The following INTS6 variants were observed in gnomAD, a reference collection of about 807,000 sequenced individuals.
INTS6 encodes the protein integrator complex subunit 6.
A neutral mutation model predicts 104.9 loss-of-function variants in INTS6; 16 were observed. The ratio of observed to expected loss-of-function variants is 0.15; its 90% CI spans 0.10 to 0.23. The LOEUF is 0.23. Ranked by LOEUF, INTS6 falls within the 10% of genes least tolerant of loss-of-function variation. The pLI, the probability that INTS6 is intolerant of heterozygous loss-of-function variation, is 1.00. For missense variants in INTS6, 584 were observed against 1,062.8 expected, an observed-to-expected ratio of 0.55 and a Z score of 6.26; for synonymous variants, 324 against 358.7, an observed-to-expected ratio of 0.90 and a Z score of 1.09.
chr13:51,409,007 T>C (rs1292308746), intron 4 of INTS6, among the ~76,000 whole-genome samples: 3 of 152,138 alleles, frequency 2.0e-5, no homozygotes, highest in Non-Finnish European at 4.4e-5. Flanking sequence ...CATAGCTCCA[T>C]AGCATTTGAG....
intron 4 of INTS6, chr13:51,421,124 T>C (rs1330835648): frequency 3.0e-6 from 3 of 985,806 alleles, no homozygotes; most frequent in Non-Finnish European, 3.6e-6. Flanking sequence ...TTAAGGCTTT[T>C]TCTGAGGCCT....
chr13:51,452,395 C>T lies in INTS6; in HGVS notation c.111+20G>A, dbSNP rs1409266462. On this transcript the variant is annotated intron_variant, in intron 1 of 17. Coordinates refer to ENST00000311234, the MANE Select transcript of INTS6 (RefSeq NM_012141.3). This position sits in a 1 kb window ranked among gnomAD's most constrained non-coding sequence, Gnocchi z 4.2. ...GGGCCGCCGGGCCGGGGTCGCCGCC[C>T]GGGCTCGGTCAGTCGGTACCTTCAT... 19 of 1,545,976 alleles carry T rather than the reference C, an allele frequency of 1.2e-5. No individual in the cohort carries two copies. The highest frequency in any genetic ancestry group is 2.7e-5 in the East Asian group (1 of 37,474).
chr13:51,337,498 C>T, the INTS6 span, among the ~76,000 whole-genome samples: 54 of 152,276 alleles, frequency 3.5e-4, 1 homozygote, highest in Middle Eastern at 6.8e-3. Context: ...CATCGAAAGG[C>T]TTAGAATCCT....
chr13:51,354,918 A>C, intron 3 of INTS6: 1 of 626,800 alleles, frequency 1.6e-6, no homozygotes, highest in African/African-American at 1.8e-5. Flanking sequence ...TGGAAGATGA[A>C]GCTGGAAATA....
chr13:51,360,261 C>T (rs1341439842), downstream of INTS6, among the ~76,000 whole-genome samples: 4 of 152,134 alleles, frequency 2.6e-5, no homozygotes, highest in South Asian at 6.2e-4. Context: ...ACAGATACCT[C>T]CCAGTGGCAT....
Position 51,369,131 on chromosome 13 carries a change from T to C in INTS6, c.2284A>G (p.Thr762Ala). 5.6e-6 allele frequency: 9 copies of C among 1,613,886 alleles called. No individual in the cohort carries two copies. The highest frequency in any genetic ancestry group is 7.6e-6 in the Non-Finnish European group (9 of 1,179,840). ...MEALGHDHLG[T>A]NDLTVGGFLE... ...AATCCACCAACAGTGAGGTCATTGG[T>C]TCCTAAATGGTCATGACCAAGAGCC... The change falls in exon 16 of 18, where the codon ACC (threonine) becomes GCC (alanine). Residue 762 changes from threonine to alanine, a missense_variant. Thr to Ala is a moderately conservative substitution (Grantham distance 58). Around this residue, in one of 5 missense-constraint regions of INTS6, gnomAD observed 296 missense variants for 437.0 expected, o/e 0.68. Coordinates refer to ENST00000311234, the MANE Select transcript of INTS6 (RefSeq NM_012141.3).
chr13:51,373,193 T>A (rs1453562923), intron 15 of INTS6, among the ~76,000 whole-genome samples: 2 of 151,026 alleles, frequency 1.3e-5, no homozygotes, highest in Non-Finnish European at 2.9e-5. Context: ...TGTTCAATTT[T>A]GGTGTTTGGT....
At position 51,365,503 on chromosome 13, in the gene INTS6, T is replaced by G; in HGVS notation, c.*249A>C. 1 of 218,526 alleles carries G rather than the reference T, an allele frequency of 4.6e-6. No homozygotes were observed. Among genetic ancestry groups the G allele is most frequent in the Non-Finnish European group, 9.2e-6 (1 of 109,054 alleles). The allele number at this position is 218,526 out of a possible 1,614,324, so 13.5% of individuals were successfully genotyped here. A position where few individuals can be genotyped will look rare whatever the true frequency, so the allele number is the denominator to read the frequency against. On this transcript the variant is annotated 3_prime_UTR_variant, in exon 18 of 18. Coordinates refer to ENST00000311234, the MANE Select transcript of INTS6 (RefSeq NM_012141.3). ...GCAAGAGTCAATGACAAGCAAGAGA[T>G]TTGGAGGAATATTTTTAGTTTGTTA...
At chr13:51,444,808 T>C (rs955056859) in intron 3 of INTS6, 6 of 151,218 alleles carry the variant, frequency 4.0e-5, no homozygotes, top group Admixed American at 3.3e-4. Flanking sequence ...TTCTTTTTTT[T>C]TTTTTTTTCA....
In INTS6 at chr13:51,434,727, CAAGA is replaced by C. The variant is rs373238511; in HGVS notation, c.340-4348_340-4345del. Among the ~76,000 whole-genome samples, 16 of 145,452 alleles carry C rather than the reference CAAGA, an allele frequency of 1.1e-4. No homozygotes were observed. The East Asian group carries it at 1.6e-3, about 15-fold the overall frequency. ...CTAGCAGAAAGTGAACATGTAGCTCCAAGAAAGTTTTCTTATATACTGTTTTGCA... is the reference window on the plus strand; with the variant it reads ...CTAGCAGAAAGTGAACATGTAGCTCCAAGTTTTCTTATATACTGTTTTGCA... On this transcript the variant is annotated intron_variant, in intron 3 of 17. Transcript: ENST00000311234.
At chr13:51,394,763 G>A (rs900494560) in intron 5 of INTS6, among the ~76,000 whole-genome samples, 1 of 152,122 alleles carries the variant, frequency 6.6e-6, no homozygotes, top group Admixed American at 6.5e-5. Flanking sequence ...TATTAAATGA[G>A]TTCTGAGTTG....
At chr13:51,382,683 C>T (rs982989731) in intron 9 of INTS6, among the ~76,000 whole-genome samples, 1 of 152,128 alleles carries the variant, frequency 6.6e-6, no homozygotes, top group Non-Finnish European at 1.5e-5. Context: ...TATGTTTCTA[C>T]AAAATGTCTC....
chr13:51,348,029 T>C, the INTS6 span, among the ~76,000 whole-genome samples: 19 of 152,186 alleles, frequency 1.2e-4, no homozygotes, highest in Non-Finnish European at 2.4e-4. Flanking sequence ...ACTCTAGGTC[T>C]AGGATTTTTA....
rs898203900 is a variant in INTS6, at chr13:51,401,573, A to C, written c.430-6090T>G. Reference sequence around the variant, plus strand: ...GTCTGAACTAATGATGCTTTAAAAAATATAGCCATTAATAACAATAATACT... The same window carrying C: ...GTCTGAACTAATGATGCTTTAAAAACTATAGCCATTAATAACAATAATACT... On this transcript the variant is annotated intron_variant, in intron 4 of 17. Coordinates refer to ENST00000311234, the MANE Select transcript of INTS6 (RefSeq NM_012141.3). Among the ~76,000 whole-genome samples the C allele has an allele frequency of 3.0e-4, 45 of 152,332 alleles. 2 individuals are homozygous for C. Among genetic ancestry groups the C allele is most frequent in the African/African-American group, 8.2e-4 (34 of 41,590 alleles).
the INTS6 span, among the ~76,000 whole-genome samples, chr13:51,345,592 CAAAAAAA>C: frequency 0.053 from 1,950 of 37,060 alleles, 46 homozygotes; most frequent in African/African-American, 0.15. Flanking sequence ...GATTTCATCT[CAAAAAAA>C]AAAAAAAAAA....
chr13:51,434,284 A>C (rs1245688184), intron 3 of INTS6, among the ~76,000 whole-genome samples: 2 of 152,200 alleles, frequency 1.3e-5, no homozygotes, highest in Non-Finnish European at 2.9e-5. Flanking sequence ...ACACACACTG[A>C]AACAAAACAC....
At chr13:51,442,338 T>C (rs530914374) in intron 3 of INTS6, 2 of 147,874 alleles carry the variant, frequency 1.4e-5, no homozygotes, top group East Asian at 2.0e-4. Context: ...AGTTTCACCA[T>C]GTTGGCCAGG....
In INTS6 at chr13:51,389,409, T is replaced by A; in HGVS notation, c.649A>T (p.Asn217Tyr). Residue 217 changes from asparagine to tyrosine, a missense_variant, in exon 6 of 18, where the codon AAT becomes TAT. By Grantham distance (143) the Asn-to-Tyr change is moderately radical. This residue lies in a region of INTS6 where 144 missense variants were observed against 348.7 expected (regional missense o/e 0.41). Transcript: ENST00000311234. ...SYSVCSPRML[N>Y]QCLESLVQKV... ...TGCACCAAGGACTCCAGACACTGAT[T>A]AAGCATTCTTGGAGAACACACAGAA... 1 of 1,613,046 alleles carries A rather than the reference T, an allele frequency of 6.2e-7. No individual in the cohort carries two copies. Among genetic ancestry groups the A allele is most frequent in the Non-Finnish European group, 8.5e-7 (1 of 1,179,524 alleles).
At chr13:51,386,771 T>A (rs985387677) in intron 7 of INTS6, among the ~76,000 whole-genome samples, 2 of 148,394 alleles carry the variant, frequency 1.3e-5, no homozygotes, top group Non-Finnish European at 3.0e-5. Flanking sequence ...AGAAAAAAAA[T>A]ATGGAAAAAA....
Sources: gnomAD v4.1 joint callset for allele counts (sites outside exome capture counted in the v4.1 genomes callset) on GRCh38, gnomAD v4.1.1 for gene constraint, gnomAD v4.1.1 regional missense constraint, Gnocchi (gnomAD v3.1) non-coding constraint, MANE v1.5 for transcripts, NCBI Gene and HGNC (gene_info 2026-07-23, HGNC 2026-07-21) for gene names.